Variants in TEP1 observed in about 807,000 individuals in gnomAD.
TEP1 encodes the protein telomerase protein component 1.
TEP1 carries 241 observed loss-of-function variants against 306.3 expected under a neutral mutation model. The observed-to-expected ratio is 0.79, with a 90% confidence interval of 0.71 to 0.88. TEP1 has a LOEUF of 0.88. Among genes scored for constraint, TEP1 ranks in the 40% least tolerant of loss-of-function variants. The pLI, the probability that TEP1 is intolerant of heterozygous loss-of-function variation, is 0.00. For missense variants in TEP1, 3,051 were observed against 3,276.1 expected (o/e 0.93, Z 1.68); for synonymous variants, 1,289 against 1,305.5 (o/e 0.99, Z 0.27).
intron 2 of TEP1, 125 bp from the exon 3 acceptor site, chr14:20,406,525 T>C: frequency 1.1e-6 from 1 of 951,682 alleles, no homozygotes; most frequent in Non-Finnish European, 1.6e-6. Flanking sequence ...CCTCTAATGT[T>C]CTCTCCCTTC....
intron 5 of TEP1, among the ~76,000 whole-genome samples, chr14:20,404,149 G>A (rs749490336): frequency 1.1e-4 from 17 of 152,132 alleles, no homozygotes; most frequent in East Asian, 1.9e-4. Context: ...GAGGTCAGGC[G>A]TTCAAGACCA....
rs998203221 is a variant in TEP1, at chr14:20,382,635, C to T, written c.4128G>A (p.Thr1376=). The change falls in exon 28 of 55, where the codon ACG becomes ACA. Residue 1376 remains threonine, a synonymous_variant. Coordinates refer to ENST00000262715, the MANE Select transcript of TEP1 (RefSeq NM_007110.5). ...RLVTDHLRLF[T]LYEQVSERLR... is the part of the protein sequence containing the mutation. ...GATGAGAACTGACCTGCTCATACAG[C>T]GTGAAGAGCCTCAGGTGATCGGTGA... 7 of 1,613,952 alleles carry T rather than the reference C, an allele frequency of 4.3e-6. No homozygotes were observed. Among genetic ancestry groups the T allele is most frequent in the Middle Eastern group, 1.6e-4 (1 of 6,082 alleles).
rs772035464 is a variant in TEP1, at chr14:20,373,122, A to G, written c.6840T>C (p.Ser2280=). Reference sequence around the variant, plus strand: ...CCCAAGCCACAGCAGTGACGGCTGCAGAACTCCTTGGTATACATGTGTCAT... The same window carrying G: ...CCCAAGCCACAGCAGTGACGGCTGCGGAACTCCTTGGTATACATGTGTCAT... ...EADDTCIPRS[S]AAVTAVAWAP... Residue 2280 remains serine, a synonymous_variant, in exon 48 of 55, where the codon TCT becomes TCC. Transcript: ENST00000262715. The G allele has an allele frequency of 5.6e-6, 9 of 1,614,254 alleles. No homozygotes were observed. The highest frequency in any genetic ancestry group is 1.3e-5 in the African/African-American group (1 of 75,072).
rs199556684 is a variant in TEP1 at position 20,382,290 on chromosome 14, G to A, written c.4207C>T (p.Leu1403=). 2 of 1,614,134 alleles carry A rather than the reference G, an allele frequency of 1.2e-6. No individual in the cohort carries two copies. The highest frequency in any genetic ancestry group is 1.7e-6 in the Non-Finnish European group (2 of 1,180,002). The part of the protein sequence containing the change: ...PLLLQHILST[L]EKEHGPDVLP... ...ACATCAGGCCCGTGCTCCTTCTCCA[G>A]TGTGCTCAGGATGTGCTGCAGCAGC... The change falls in exon 29 of 55, where the codon CTG becomes TTG. Residue 1403 remains leucine, a synonymous_variant. Transcript: ENST00000262715.
chr14:20,400,769 T>C (rs1878643652), intron 9 of TEP1: 3 of 570,496 alleles, frequency 5.3e-6, no homozygotes, highest in Non-Finnish European at 6.1e-6. Flanking sequence ...ATCACCTAAC[T>C]ACATCTGGTA....
chr14:20,384,109 G>T lies in TEP1; in HGVS notation c.3463C>A (p.Arg1155=). 1 of 1,614,026 alleles carries T rather than the reference G, an allele frequency of 6.2e-7. No homozygotes were observed. Among genetic ancestry groups the T allele is most frequent in the Non-Finnish European group, 8.5e-7 (1 of 1,180,026 alleles). ...RPRLLQDTVQ[R]LMLPHGRLSL... ...AGCCTTCCGTGGGGCAGCATCAGCCGTTGCACTGTGTCCTGAAGAAGGCGT... is the reference window on the plus strand; with the variant it reads ...AGCCTTCCGTGGGGCAGCATCAGCCTTTGCACTGTGTCCTGAAGAAGGCGT... Residue 1155 remains arginine, a synonymous_variant, in exon 24 of 55, where the codon CGG becomes AGG. Coordinates refer to ENST00000262715, the MANE Select transcript of TEP1 (RefSeq NM_007110.5).
chr14:20,373,064 G>C lies in TEP1; in HGVS notation c.6898C>G (p.Gln2300Glu), dbSNP rs1488529155. ...TGCCACAAGATTAGTTCCCCAGCTTGATTTCCAGATACTGCCATGGAACCA... is the reference window on the plus strand; with the variant it reads ...TGCCACAAGATTAGTTCCCCAGCTTCATTTCCAGATACTGCCATGGAACCA... ...PDGSMAVSGN[Q>E]AGELILWQEA... Residue 2300 changes from glutamine to glutamate, a missense_variant, in exon 48 of 55, where the codon CAA becomes GAA. By Grantham distance (29) the Gln-to-Glu change is conservative (BLOSUM62 2). Transcript: ENST00000262715. 4 of 1,614,096 alleles carry C rather than the reference G, an allele frequency of 2.5e-6. No individual in the cohort carries two copies. Among genetic ancestry groups the C allele is most frequent in the Non-Finnish European group, 3.4e-6 (4 of 1,180,042 alleles).
chr14:20,398,110 T>C (rs1022086898), intron 9 of TEP1, among the ~76,000 whole-genome samples: 3 of 151,624 alleles, frequency 2.0e-5, no homozygotes, highest in African/African-American at 7.3e-5. Context: ...CCGGGTGCAG[T>C]GGCTCACGCC....
At position 20,384,711 on chromosome 14, in the gene TEP1, G is replaced by C. The variant is rs377660135; in HGVS notation, c.3110C>G (p.Ser1037Cys). ...GTCAGATTTCCAGGCATCTGGCACA[G>C]AGCTGACCACCAAAGACCCCAAAAG... Reference protein sequence around the residue: ...IYFRDSSFLSSVPDAWKSDFV... With the variant: ...IYFRDSSFLSCVPDAWKSDFV... The change falls in exon 22 of 55, where the codon TCT becomes TGT. Residue 1037 changes from serine (S) to cysteine (C), a missense_variant and splice_region_variant. Transcript: ENST00000262715. 45 of 1,609,846 alleles carry C rather than the reference G, an allele frequency of 2.8e-5. No homozygotes were observed. The African/African-American group carries it at 5.5e-4, about 20-fold the overall frequency.
intron 51 of TEP1, among the ~76,000 whole-genome samples, chr14:20,370,340 C>T (rs1884762269): frequency 6.6e-6 from 1 of 152,220 alleles, no homozygotes; most frequent in Non-Finnish European, 1.5e-5. Flanking sequence ...ATGTCCCTTT[C>T]CCATCAATAC....
At chr14:20,412,716 G>T (rs946736183) in intron 1 of TEP1, among the ~76,000 whole-genome samples, 1 of 136,252 alleles carries the variant, frequency 7.3e-6, no homozygotes, top group Non-Finnish European at 1.5e-5. Context: ...GCGGAGTCTG[G>T]CTCTGTTGTT....
At position 20,395,927 on chromosome 14, in the gene TEP1, T is replaced by C. The variant is rs760117859; in HGVS notation, c.1682A>G (p.Gln561Arg). ...QHAKSVIHSR[Q>R]FPFRFLNAHD... ...GGCGTTAAGAAATCTGAATGGAAAC[T>C]GCCGACTGTGGATCACCGACTTCTA... The change falls in exon 11 of 55, where the codon CAG becomes CGG. Residue 561 changes from glutamine (Q) to arginine (R), a missense_variant. Gln to Arg is a conservative substitution (Grantham distance 43, BLOSUM62 1). Transcript: ENST00000262715. 5 of 1,614,096 alleles carry C rather than the reference T, an allele frequency of 3.1e-6. No individual in the cohort carries two copies. Among genetic ancestry groups the C allele is most frequent in the Non-Finnish European group, 3.4e-6 (4 of 1,179,994 alleles).
At position 20,383,762 on chromosome 14, in the gene TEP1, C is replaced by T. The variant is rs1174553908; in HGVS notation, c.3691G>A (p.Ala1231Thr). Residue 1231 changes from alanine to threonine, a missense_variant, in exon 25 of 55, where the codon GCC becomes ACC. Coordinates refer to ENST00000262715, the MANE Select transcript of TEP1 (RefSeq NM_007110.5). ...YLRGQLKEPG[A>T]LPSTYRSLVW... Reference sequence around the variant, plus strand: ...ACCCACCGGTAGGTGCTGGGGAGGGCACCTGGCTCTTTTAGTTGGCCACGC... The same window carrying T: ...ACCCACCGGTAGGTGCTGGGGAGGGTACCTGGCTCTTTTAGTTGGCCACGC... 2 of 1,611,488 alleles carry T rather than the reference C, an allele frequency of 1.2e-6. No individual in the cohort carries two copies. The highest frequency in any genetic ancestry group is 1.7e-6 in the Non-Finnish European group (2 of 1,179,282).
intron 13 of TEP1, among the ~76,000 whole-genome samples, 200 bp downstream of exon 13, chr14:20,391,399 T>G (rs1346248402): frequency 6.6e-6 from 1 of 152,162 alleles, no homozygotes; most frequent in Non-Finnish European, 1.5e-5. Flanking sequence ...ATGTTAGTAT[T>G]ATAATCCATA....
At chr14:20,391,183 A>G in intron 13 of TEP1, 87 bp from the exon 14 acceptor site, 4 of 1,398,424 alleles carry the variant, frequency 2.9e-6, no homozygotes, top group Non-Finnish European at 3.9e-6. Context: ...AAACCCTTCC[A>G]TTGGTTAGAG....
At chr14:20,402,169 A>G (rs1878812107) in intron 7 of TEP1, among the ~76,000 whole-genome samples, 1 of 152,058 alleles carries the variant, frequency 6.6e-6, no homozygotes, top group Non-Finnish European at 1.5e-5. Context: ...TTAGCTGGGC[A>G]TGGTGGTGGA....
rs374243036 is a variant in TEP1, at chr14:20,387,859, A to G, written c.2684+46T>C. On this transcript the variant is annotated intron_variant, in intron 18 of 54. Transcript: ENST00000262715. ...CAGCCCCAGGGTTTCCCAAGGTTTG[A>G]CTGCAGCCCCTCCCAATTCACAAAG... is the stretch of plus-strand genomic sequence containing the variant. The G allele has an allele frequency of 6.5e-5, 100 of 1,545,828 alleles. No individual in the cohort carries two copies. The African/African-American group carries it at 1.1e-3, about 17-fold the overall frequency.
chr14:20,372,363 T>C (rs1334276558), intron 49 of TEP1, among the ~76,000 whole-genome samples: 1 of 92,662 alleles, frequency 1.1e-5, no homozygotes, highest in Non-Finnish European at 2.4e-5. Context: ...CCCAGGAATA[T>C]GTGTGTGTGT....
At chr14:20,382,491 G>C in intron 28 of TEP1, 132 bp downstream of exon 28, 3 of 1,527,250 alleles carry the variant, frequency 2.0e-6, no homozygotes, top group Non-Finnish European at 2.7e-6. Flanking sequence ...AGGGAAGTGA[G>C]GCGAGGTATG....
Sources: allele counts gnomAD v4.1 joint callset (sites outside exome capture counted in the v4.1 genomes callset), GRCh38; gene constraint gnomAD v4.1.1; transcripts MANE v1.5; gene names NCBI Gene and HGNC (gene_info 2026-07-23, HGNC 2026-07-21).